PLXNA4: variants seen among roughly 807,000 people sequenced by gnomAD.
PLXNA4 encodes plexin-A4.
A neutral mutation model predicts 191.8 loss-of-function variants in PLXNA4; 44 were observed. The observed-to-expected ratio is 0.23, with a 90% CI of 0.18 to 0.29. PLXNA4 has a LOEUF of 0.29. Among genes scored for constraint, PLXNA4 ranks in the 10% least tolerant of loss-of-function variants. PLXNA4 has a pLI of 1.00. For synonymous variants in PLXNA4, 1,082 were observed against 1,009.5 expected (o/e 1.07, Z -1.36); for missense variants, 1,800 against 2,488.8 (o/e 0.72, Z 5.89).
intron 29 of PLXNA4, among the ~76,000 whole-genome samples, chr7:132,143,258 G>A (rs1795321503): frequency 1.3e-5 from 2 of 152,088 alleles, no homozygotes; most frequent in African/African-American, 4.8e-5. Flanking sequence ...TCAGGGTTGG[G>A]GGAAAGTGTC....
chr7:132,489,543 A>G, intron 2 of PLXNA4, 69 bp from the exon 3 acceptor site: 1 of 1,316,530 alleles, frequency 7.6e-7, no homozygotes, highest in Non-Finnish European at 1.0e-6. Context: ...TTAAGTCAGG[A>G]AACTATGGAG....
chr7:132,352,284 G>T (rs1246764862), intron 3 of PLXNA4: 2 of 152,320 alleles, frequency 1.3e-5, no homozygotes, highest in Admixed American at 6.6e-5. Flanking sequence ...TCTCGCCTAC[G>T]TGTGCCCATC....
intron 3 of PLXNA4, among the ~76,000 whole-genome samples, chr7:132,418,437 T>C (rs1249113815): frequency 2.0e-5 from 3 of 152,222 alleles, no homozygotes; most frequent in African/African-American, 7.2e-5. Context: ...CAGATCAAGA[T>C]GGATCCAGCC....
At chr7:132,613,873 T>C (rs552451917) in intron 2 of PLXNA4, among the ~76,000 whole-genome samples, 2 of 152,356 alleles carry the variant, frequency 1.3e-5, no homozygotes, top group East Asian at 1.9e-4. Context: ...AAAAAAATGT[T>C]CCACAGTTCT....
Position 132,319,320 on chromosome 7 carries a change from G to T in PLXNA4, c.1372-21098C>A, listed in dbSNP as rs535761232. ...CCAGGAACGTGCATTTTGAGTAAGT[G>T]CTACTGGTGATTCCCATGCAGTCCC... On this transcript the variant is annotated intron_variant, in intron 3 of 31. Transcript: ENST00000321063. 2.6e-5 allele frequency among the ~76,000 whole-genome samples: 4 copies of T among 152,252 alleles called. No individual in the cohort carries two copies. In the South Asian group the frequency reaches 8.3e-4, roughly 32 times the overall value.
At chr7:132,190,544 T>C (rs184599623) in intron 14 of PLXNA4, among the ~76,000 whole-genome samples, 2 of 152,286 alleles carry the variant, frequency 1.3e-5, no homozygotes, top group East Asian at 3.9e-4. Context: ...GCATTTTGTT[T>C]AATGGTCACC....
chr7:132,627,637 C>A (rs1049542822), intron 2 of PLXNA4, among the ~76,000 whole-genome samples: 11 of 152,162 alleles, frequency 7.2e-5, no homozygotes, highest in Admixed American at 6.5e-4. Flanking sequence ...GGGATTAGTG[C>A]TTTTATAAAA....
intron 3 of PLXNA4, among the ~76,000 whole-genome samples, chr7:132,487,054 T>C (rs1441556923): frequency 2.0e-5 from 3 of 152,244 alleles, no homozygotes; most frequent in Non-Finnish European, 4.4e-5. Context: ...TTGACTATCT[T>C]GGGTTTACAA....
At chr7:132,504,088 G>A (rs374439886) in intron 2 of PLXNA4, among the ~76,000 whole-genome samples, 2 of 152,366 alleles carry the variant, frequency 1.3e-5, no homozygotes, top group African/African-American at 4.8e-5. Context: ...CCCATGAGGA[G>A]GCCACTCCTG....
intron 4 of PLXNA4, among the ~76,000 whole-genome samples, chr7:132,260,031 G>A (rs952028266): frequency 6.6e-6 from 1 of 152,064 alleles, no homozygotes; most frequent in Non-Finnish European, 1.5e-5. Context: ...AGGTTGTGGA[G>A]GAAAAAGGAC....
At chr7:132,494,627 T>C (rs1797934107) in intron 2 of PLXNA4, among the ~76,000 whole-genome samples, 1 of 152,076 alleles carries the variant, frequency 6.6e-6, no homozygotes, top group African/African-American at 2.4e-5. Flanking sequence ...GAGCTGACAC[T>C]CCGAATTACA....
chr7:132,419,563 T>A (rs1001890084), intron 3 of PLXNA4, among the ~76,000 whole-genome samples: 2 of 152,264 alleles, frequency 1.3e-5, no homozygotes, highest in African/African-American at 4.8e-5. Context: ...AACACAGCCT[T>A]ACAACAAGTG....
In PLXNA4 at chr7:132,311,193, T is replaced by TGTGTGTGTGTGTGC. The variant is rs71178034; in HGVS notation, c.1372-12972_1372-12971insGCACACACACACAC. 3.2e-3 allele frequency among the ~76,000 whole-genome samples: 285 copies of TGTGTGTGTGTGTGC among 89,894 alleles called. 3 individuals carry two copies. The highest frequency in any genetic ancestry group is 0.01 in the African/African-American group (263 of 25,968). The allele number at this position is 89,894 out of a possible 152,430, so 59.0% of individuals were successfully genotyped here. ...GTGTGTGTGTGTGTGTGTGTGTGTG[T>TGTGTGTGTGTGTGC]GCGCGTGTGGCCTAAAGGAGGGTCA... On this transcript the variant is annotated intron_variant, in intron 3 of 31. Transcript: ENST00000321063.
At chr7:132,318,362 T>A (rs1022608576) in intron 3 of PLXNA4, among the ~76,000 whole-genome samples, 1 of 152,092 alleles carries the variant, frequency 6.6e-6, no homozygotes, top group East Asian at 1.9e-4. Context: ...GAACCCAGAG[T>A]GTCGAGGAAA....
intron 2 of PLXNA4, among the ~76,000 whole-genome samples, chr7:132,626,320 T>C (rs748493670): frequency 6.6e-6 from 1 of 152,244 alleles, no homozygotes; most frequent in Non-Finnish European, 1.5e-5. Flanking sequence ...TGAAGGACTT[T>C]TGCCTCAGCT....
At chr7:132,433,070 G>T (rs1339046765) in intron 3 of PLXNA4, among the ~76,000 whole-genome samples, 2 of 152,078 alleles carry the variant, frequency 1.3e-5, no homozygotes, top group Non-Finnish European at 2.9e-5. Flanking sequence ...ACACCAAATG[G>T]GCAACAGGGC....
At chr7:132,589,148 T>C (rs1240253394) in intron 2 of PLXNA4, among the ~76,000 whole-genome samples, 1 of 152,182 alleles carries the variant, frequency 6.6e-6, no homozygotes, top group Non-Finnish European at 1.5e-5. Flanking sequence ...TCAAAGTTGT[T>C]TCAGCCATAG....
intron 3 of PLXNA4, among the ~76,000 whole-genome samples, chr7:132,404,155 C>A (rs530227400): frequency 6.6e-6 from 1 of 152,274 alleles, no homozygotes; most frequent in African/African-American, 2.4e-5. Context: ...AACCCAGAGG[C>A]CTTGACCCTA....
intron 3 of PLXNA4, among the ~76,000 whole-genome samples, chr7:132,340,742 ATCTC>A (rs1802996932): frequency 6.6e-6 from 1 of 152,272 alleles, no homozygotes; most frequent in East Asian, 1.9e-4. Flanking sequence ...CAGTGATGTG[ATCTC>A]AGCTCACTGC....
Sources: allele counts gnomAD v4.1 joint callset (sites outside exome capture counted in the v4.1 genomes callset), GRCh38; gene constraint gnomAD v4.1.1; transcripts MANE v1.5; gene names NCBI Gene and HGNC (gene_info 2026-07-23, HGNC 2026-07-21).